The following MTUS2 variants were observed in gnomAD, a reference collection of about 807,000 sequenced individuals.
MTUS2 encodes microtubule associated scaffold protein 2, also known as microtubule-associated tumor suppressor candidate 2.
MTUS2 carries 40 observed loss-of-function variants against 114.1 expected under a neutral mutation model. The observed-to-expected ratio is 0.35, with a 90% CI of 0.27 to 0.46. The LOEUF (loss-of-function observed/expected upper bound fraction) is 0.46, where lower values mean the gene tolerates loss of function less well. MTUS2 is among the 20% of genes least tolerant of loss of function. MTUS2 has a pLI of 1.00. For missense variants in MTUS2, 1,679 were observed against 1,705.4 expected (o/e 0.98, Z 0.27); for synonymous variants, 688 against 672.0 (o/e 1.02, Z -0.37).
rs145586292 is a variant in MTUS2 at position 28,938,200 on chromosome 13, T to C, written c.-242-86257T>C. 9.5e-3 allele frequency among the ~76,000 whole-genome samples: 1,440 copies of C among 152,178 alleles called. 23 individuals carry two copies. Among genetic ancestry groups the C allele is most frequent in the African/African-American group, 0.032 (1,331 of 41,530 alleles). The stretch of plus-strand genomic sequence containing the variant: ...GAGATCGAGACCATCCTGGTCAACA[T>C]GGTGAAACCTGTCTCTACTAAAAAT... On this transcript the variant is annotated intron_variant, in intron 2 of 15. Transcript: ENST00000612955.
chr13:29,285,785 ATAGGCCAATTT>A (rs1448445834), intron 6 of MTUS2, among the ~76,000 whole-genome samples: 1 of 152,224 alleles, frequency 6.6e-6, no homozygotes, highest in Non-Finnish European at 1.5e-5. Flanking sequence ...ATGTAAACAT[ATAGGCCAATTT>A]TGGAGCTAAT....
At chr13:28,881,329 G>A (rs1878276538) in intron 2 of MTUS2, among the ~76,000 whole-genome samples, 1 of 152,256 alleles carries the variant, frequency 6.6e-6, no homozygotes, top group East Asian at 1.9e-4. Flanking sequence ...TGGCTGCATA[G>A]TATTCCATAA....
intron 2 of MTUS2, among the ~76,000 whole-genome samples, chr13:28,840,482 T>G (rs1357890923): frequency 6.6e-6 from 1 of 152,266 alleles, no homozygotes. Flanking sequence ...TGGGAAATTA[T>G]TCAGCTATAC....
chr13:29,155,842 T>C (rs1439561655), intron 5 of MTUS2, among the ~76,000 whole-genome samples: 1 of 152,118 alleles, frequency 6.6e-6, no homozygotes, highest in Non-Finnish European at 1.5e-5. Flanking sequence ...TTGTTAATTA[T>C]AATATCATTA....
Position 29,026,392 on chromosome 13 carries a change from C to T in MTUS2, c.1694C>T (p.Ala565Val), listed in dbSNP as rs746867652. The part of the protein sequence containing the change: ...FQDVSVFGMD[A>V]GSPLVVPPPT... Reference sequence around the variant, plus strand: ...GATGTTAGCGTGTTCGGTATGGATGCGGGGTCCCCCTTGGTAGTTCCACCC... The same window carrying T: ...GATGTTAGCGTGTTCGGTATGGATGTGGGGTCCCCCTTGGTAGTTCCACCC... Residue 565 changes from alanine (A) to valine (V), a missense_variant, in exon 3 of 16, where the codon GCG (alanine) becomes GTG (valine). Physicochemically the swap from Ala to Val is moderately conservative, Grantham distance 64. Coordinates refer to ENST00000612955, the MANE Select transcript of MTUS2 (RefSeq NM_001033602.4). The T allele has an allele frequency of 8.9e-5, 144 of 1,613,704 alleles. No individual in the cohort carries two copies. The highest frequency in any genetic ancestry group is 8.0e-4 in the South Asian group (73 of 91,064).
intron 6 of MTUS2, among the ~76,000 whole-genome samples, chr13:29,310,400 A>G (rs888373021): frequency 3.9e-5 from 6 of 152,328 alleles, no homozygotes; most frequent in African/African-American, 1.4e-4. Flanking sequence ...TACCACTTCT[A>G]CTTTTTAGTG....
At chr13:29,403,963 A>G (rs1273199157) in intron 8 of MTUS2, among the ~76,000 whole-genome samples, 5 of 151,804 alleles carry the variant, frequency 3.3e-5, no homozygotes, top group Non-Finnish European at 7.4e-5. Context: ...ACTCTTCCTC[A>G]TATTTTTCCC....
chr13:29,135,962 T>A (rs780921060), intron 5 of MTUS2, among the ~76,000 whole-genome samples: 1 of 152,228 alleles, frequency 6.6e-6, no homozygotes, highest in Non-Finnish European at 1.5e-5. Context: ...AAAGTTATGA[T>A]AAAACTAGCT....
At chr13:28,877,977 A>C (rs1339568542) in intron 2 of MTUS2, among the ~76,000 whole-genome samples, 1 of 152,088 alleles carries the variant, frequency 6.6e-6, no homozygotes, top group African/African-American at 2.4e-5. Context: ...AAATGAAGCT[A>C]CTGACCTCCT....
chr13:29,050,030 A>G (rs2138597454), intron 4 of MTUS2, among the ~76,000 whole-genome samples: 2 of 152,242 alleles, frequency 1.3e-5, no homozygotes, highest in South Asian at 4.2e-4. Flanking sequence ...CATGAACCTC[A>G]TGCAAACAGC....
chr13:28,859,829 CG>C (rs1566181744), intron 2 of MTUS2, among the ~76,000 whole-genome samples: 2 of 152,124 alleles, frequency 1.3e-5, no homozygotes, highest in East Asian at 1.9e-4. Flanking sequence ...GATCCACAGA[CG>C]GGGGTGGGTG....
At chr13:29,193,361 A>G (rs1193783364) in intron 5 of MTUS2, among the ~76,000 whole-genome samples, 1 of 152,058 alleles carries the variant, frequency 6.6e-6, no homozygotes, top group African/African-American at 2.4e-5. Context: ...TACAGTAGTC[A>G]TGGATACTAC....
intron 9 of MTUS2, among the ~76,000 whole-genome samples, chr13:29,441,013 G>A (rs969053292): frequency 6.6e-6 from 1 of 152,146 alleles, no homozygotes; most frequent in African/African-American, 2.4e-5. Context: ...TCTCCCCTGT[G>A]AGTTCTGTGA....
chr13:28,940,678 A>C (rs545327762), intron 2 of MTUS2, among the ~76,000 whole-genome samples: 2 of 152,172 alleles, frequency 1.3e-5, no homozygotes, highest in African/African-American at 4.8e-5. Flanking sequence ...TTCAATAGTG[A>C]GTTTAAGTAC....
chr13:28,987,401 A>G (rs1884637625), intron 2 of MTUS2, among the ~76,000 whole-genome samples: 1 of 152,040 alleles, frequency 6.6e-6, no homozygotes, highest in Non-Finnish European at 1.5e-5. Context: ...TCAGCCTACT[A>G]GAGGGGGAGA....
At chr13:29,044,457 G>C (rs1005004978) in intron 4 of MTUS2, among the ~76,000 whole-genome samples, 3 of 151,800 alleles carry the variant, frequency 2.0e-5, no homozygotes, top group African/African-American at 7.3e-5. Context: ...TGAGATTTTT[G>C]GATCTGTTTT....
At chr13:29,295,955 A>T (rs1361115192) in intron 6 of MTUS2, among the ~76,000 whole-genome samples, 5 of 152,132 alleles carry the variant, frequency 3.3e-5, no homozygotes, top group African/African-American at 1.2e-4. Flanking sequence ...ACATGTGGGG[A>T]TTATGGTAGC....
At chr13:29,389,837 A>G (rs1268457413) in intron 8 of MTUS2, among the ~76,000 whole-genome samples, 176 of 2,860 alleles carry the variant, frequency 0.062, 29 homozygotes, top group Non-Finnish European at 0.49. Flanking sequence ...GTGTATATAT[A>G]CATACATATG....
intron 5 of MTUS2, among the ~76,000 whole-genome samples, chr13:29,104,462 C>A (rs1321901449): frequency 6.6e-6 from 1 of 152,220 alleles, no homozygotes; most frequent in African/African-American, 2.4e-5. Context: ...AGAGGCCCCT[C>A]AGGCTTCCCA....
Sources: gnomAD v4.1 joint callset for allele counts (sites outside exome capture counted in the v4.1 genomes callset) on GRCh38, gnomAD v4.1.1 for gene constraint, MANE v1.5 for transcripts, NCBI Gene and HGNC (gene_info 2026-07-23, HGNC 2026-07-21) for gene names.